DROSHA: variants seen among roughly 807,000 people sequenced by gnomAD.
DROSHA encodes the protein drosha ribonuclease III, also known as ribonuclease 3.
DROSHA carries 56 observed loss-of-function variants against 181.9 expected under a neutral mutation model. The observed-to-expected ratio is 0.31, with a 90% CI of 0.25 to 0.38. The LOEUF (loss-of-function observed/expected upper bound fraction) is 0.38. DROSHA is among the 10% of genes least tolerant of loss of function. DROSHA has a pLI of 1.00. For missense variants in DROSHA, 1,218 were observed against 1,743.5 expected (o/e 0.70, Z 5.37); for synonymous variants, 524 against 591.2 (o/e 0.89, Z 1.65).
At chr5:31,448,645 G>C in intron 22 of DROSHA, 38 bp from the exon 23 acceptor site, 1 of 1,501,160 alleles carries the variant, frequency 6.7e-7, no homozygotes, top group Non-Finnish European at 9.2e-7. Flanking sequence ...AGTAAATACG[G>C]ATAGAAGAAT....
intron 23 of DROSHA, among the ~76,000 whole-genome samples, chr5:31,444,832 T>C (rs1746058643): frequency 6.6e-6 from 1 of 152,238 alleles, no homozygotes; most frequent in Non-Finnish European, 1.5e-5. Context: ...CATATGATCA[T>C]TTTCAAACAA....
chr5:31,528,591 A>C (rs1740863918), intron 4 of DROSHA, among the ~76,000 whole-genome samples: 1 of 152,146 alleles, frequency 6.6e-6, no homozygotes, highest in Admixed American at 6.5e-5. Context: ...CTGCTTCATA[A>C]ATATTTCCTG....
chr5:31,483,707 G>C, intron 15 of DROSHA, 79 bp from the exon 16 acceptor site: 1 of 1,378,934 alleles, frequency 7.3e-7, no homozygotes, highest in Non-Finnish European at 9.9e-7. Context: ...TAATTTCTAA[G>C]ATTTATGATA....
At position 31,405,227 on chromosome 5, in the gene DROSHA, G is replaced by C. The variant is rs561682469; in HGVS notation, c.3994+450C>G. Among the ~76,000 whole-genome samples, 6 of 152,168 alleles carry C rather than the reference G, an allele frequency of 3.9e-5. No individual in the cohort carries two copies. In the East Asian group the frequency reaches 1.2e-3, roughly 29 times the overall value. On this transcript the variant is annotated intron_variant, in intron 35 of 35. Coordinates refer to ENST00000344624, the MANE Select transcript of DROSHA (RefSeq NM_001382508.1). ...ACTAAAAATACAAAAATTTAGCTGGGTGTGGTAGGAGGCACCTGTAATCCC... is the reference window on the plus strand; with the variant it reads ...ACTAAAAATACAAAAATTTAGCTGGCTGTGGTAGGAGGCACCTGTAATCCC...
chr5:31,455,029 C>A (rs1561188914), intron 20 of DROSHA, among the ~76,000 whole-genome samples: 2 of 147,112 alleles, frequency 1.4e-5, no homozygotes. Flanking sequence ...GAAGGATTAA[C>A]AAAAATTACA....
At chr5:31,521,464 C>T (rs1225489697) in intron 5 of DROSHA, among the ~76,000 whole-genome samples, 1 of 152,148 alleles carries the variant, frequency 6.6e-6, no homozygotes, top group African/African-American at 2.4e-5. Flanking sequence ...TGATGCTACG[C>T]AATAATGGGA....
Position 31,401,534 on chromosome 5 carries a change from C to T in DROSHA, c.4023G>A (p.Lys1341=). The change falls in exon 36 of 36, where the codon AAG becomes AAA. Residue 1341 remains lysine (K), a synonymous_variant. Coordinates refer to ENST00000344624, the MANE Select transcript of DROSHA (RefSeq NM_001382508.1). The part of the protein sequence containing the change: ...KYNFPQMAHQ[K]RFIERKYRQE... ...GTCTGTACTTCCGTTCGATGAACCG[C>T]TTCTGATGGGCCATCTGGGGAAAAT... The T allele has an allele frequency of 2.5e-6, 4 of 1,595,818 alleles. No individual in the cohort carries two copies. Among genetic ancestry groups the T allele is most frequent in the Non-Finnish European group, 3.4e-6 (4 of 1,170,638 alleles).
intron 13 of DROSHA, among the ~76,000 whole-genome samples, chr5:31,489,528 TG>T (rs1752147148): frequency 6.6e-6 from 1 of 152,210 alleles, no homozygotes; most frequent in Admixed American, 6.5e-5. Flanking sequence ...TGCTACACAA[TG>T]GTCAACCAAG....
intron 13 of DROSHA, among the ~76,000 whole-genome samples, chr5:31,490,182 C>CTT (rs146698384): frequency 8.6e-4 from 119 of 138,056 alleles, no homozygotes; most frequent in East Asian, 5.0e-3. Flanking sequence ...GGCCCTTTTC[C>CTT]TTTTTTTTTT....
chr5:31,421,057 GCA>G (rs977166391), intron 30 of DROSHA, among the ~76,000 whole-genome samples: 7 of 152,248 alleles, frequency 4.6e-5, no homozygotes, highest in Non-Finnish European at 8.8e-5. Flanking sequence ...TCAATATTTT[GCA>G]CAGAGTAGGC....
At chr5:31,432,525 C>A (rs1312186578) in intron 25 of DROSHA, among the ~76,000 whole-genome samples, 1 of 152,094 alleles carries the variant, frequency 6.6e-6, no homozygotes, top group East Asian at 1.9e-4. Flanking sequence ...TTTGTTGTGA[C>A]GATTTGGGGA....
chr5:31,509,575 C>T (rs777972893), intron 9 of DROSHA, among the ~76,000 whole-genome samples: 1 of 152,160 alleles, frequency 6.6e-6, no homozygotes. Flanking sequence ...GCTAAGAACA[C>T]AGTGGACTAG....
chr5:31,471,641 G>C (rs1239704363), intron 17 of DROSHA, among the ~76,000 whole-genome samples: 3 of 152,032 alleles, frequency 2.0e-5, no homozygotes, highest in Non-Finnish European at 4.4e-5. Flanking sequence ...AAGAAAACAT[G>C]AATGGGCAAT....
intron 20 of DROSHA, among the ~76,000 whole-genome samples, chr5:31,461,697 G>C (rs893967088): frequency 6.6e-6 from 1 of 151,102 alleles, no homozygotes; most frequent in Non-Finnish European, 1.5e-5. Context: ...TGAGCCCAAA[G>C]TCAACTACAC....
rs751232414 is a variant in DROSHA at position 31,486,625 on chromosome 5, G to A, written c.1843-63C>T. 1.8e-5 allele frequency: 26 copies of A among 1,462,834 alleles called. No individual in the cohort carries two copies. The East Asian group carries it at 2.5e-4, about 14-fold the overall frequency. The allele number at this position is 1,462,834 out of a possible 1,614,324, so 90.6% of individuals were successfully genotyped here. ...CTCCCTGCAGGCTCATATTATACAC[G>A]TTTGTTACCTGACCCAAAAGGCCAT... On this transcript the variant is annotated intron_variant, in intron 13 of 35. Transcript: ENST00000344624.
At chr5:31,485,703 G>A (rs770792668) in intron 14 of DROSHA, among the ~76,000 whole-genome samples, 27 of 148,560 alleles carry the variant, frequency 1.8e-4, no homozygotes, top group Non-Finnish European at 3.3e-4. Flanking sequence ...AATTCTTTTT[G>A]AAAGGAAGGT....
intron 25 of DROSHA, 136 bp downstream of exon 25, chr5:31,435,629 A>G: frequency 1.3e-6 from 1 of 779,924 alleles, no homozygotes; most frequent in Non-Finnish European, 2.0e-6. Flanking sequence ...AACCCAACAA[A>G]AAATACTTCC....
chr5:31,406,903 A>G lies in DROSHA; in HGVS notation c.3897T>C (p.Thr1299=). 6.2e-7 allele frequency: 1 copy of G among 1,613,768 alleles called. No individual in the cohort carries two copies. Among genetic ancestry groups the G allele is most frequent in the Non-Finnish European group, 8.5e-7 (1 of 1,179,740 alleles). The part of the protein sequence containing the change: ...TVGPSHARTY[T]VAVYFKGERI... ...TTTCTCCCTTGAAATAAACAGCCAC[A>G]GTGTAGGTTCGGGCATGGGATGGGC... The change falls in exon 34 of 36, where the codon ACT becomes ACC. Residue 1299 remains threonine, a synonymous_variant. Coordinates refer to ENST00000344624, the MANE Select transcript of DROSHA (RefSeq NM_001382508.1).
chr5:31,431,185 T>C (rs1276316749), intron 26 of DROSHA, among the ~76,000 whole-genome samples: 2 of 152,110 alleles, frequency 1.3e-5, no homozygotes, highest in African/African-American at 2.4e-5. Context: ...ATCTTACAAA[T>C]AGTTTAATCA....
Sources: gnomAD v4.1 joint callset for allele counts (sites outside exome capture counted in the v4.1 genomes callset) on GRCh38, gnomAD v4.1.1 for gene constraint, MANE v1.5 for transcripts, NCBI Gene and HGNC (gene_info 2026-07-23, HGNC 2026-07-21) for gene names.